Variants in INSL6 observed in about 807,000 individuals in gnomAD.
INSL6 encodes insulin-like peptide INSL6.
INSL6 carries 16 observed loss-of-function variants against 9.4 expected under a neutral mutation model. That is an observed-to-expected ratio of 1.70 (90% CI 1.15 to 2.59). The LOEUF (loss-of-function observed/expected upper bound fraction) is 2.59. Among genes scored for constraint, INSL6 ranks in the 30% most tolerant of loss-of-function variants. The pLI, the probability that INSL6 is intolerant of heterozygous loss-of-function variation, is 0.00. For synonymous variants in INSL6, 154 were observed against 96.9 expected (o/e 1.59, Z -3.46); for missense variants, 391 against 257.3 (o/e 1.52, Z -3.56).
the INSL6 span, chr9:5,078,339 G>A: frequency 4.3e-6 from 7 of 1,612,246 alleles, no homozygotes; most frequent in Admixed American, 1.0e-4. Flanking sequence ...GAATGTATGT[G>A]CCAAAAATAT....
chr9:5,143,151 C>CT (rs901843462), intron 2 of INSL6, among the ~76,000 whole-genome samples: 11 of 151,450 alleles, frequency 7.3e-5, no homozygotes, highest in African/African-American at 1.9e-4. Context: ...TTGAAGTTTT[C>CT]TTTTTTTTGT....
chr9:4,995,664 G>C, the INSL6 span, among the ~76,000 whole-genome samples: 1 of 152,082 alleles, frequency 6.6e-6, no homozygotes, highest in Non-Finnish European at 1.5e-5. Context: ...TTGTTTCCAA[G>C]TCCTGTATAA....
chr9:5,000,853 A>G, the INSL6 span, among the ~76,000 whole-genome samples: 1 of 152,214 alleles, frequency 6.6e-6, no homozygotes, highest in Non-Finnish European at 1.5e-5. Context: ...AGAACTTGAT[A>G]ACGTATTGGT....
chr9:5,170,545 G>T (rs1053307272), intron 1 of INSL6, among the ~76,000 whole-genome samples: 11 of 137,728 alleles, frequency 8.0e-5, no homozygotes, highest in African/African-American at 3.2e-4. Flanking sequence ...AACAATCAAT[G>T]AATCCAGGGG....
At chr9:5,090,830 G>C in the INSL6 span, 1 of 1,613,418 alleles carries the variant, frequency 6.2e-7, no homozygotes, top group South Asian at 1.1e-5. Flanking sequence ...GTTAAAATTG[G>C]AGATTTTGGG....
the INSL6 span, among the ~76,000 whole-genome samples, chr9:5,038,632 A>C: frequency 3.3e-5 from 5 of 150,606 alleles, no homozygotes; most frequent in Non-Finnish European, 7.4e-5. Flanking sequence ...GAATATTTGC[A>C]GAGTATACGC....
downstream of INSL6, among the ~76,000 whole-genome samples, chr9:5,120,092 G>A (rs1465466554): frequency 6.6e-6 from 1 of 152,224 alleles, no homozygotes; most frequent in African/African-American, 2.4e-5. Context: ...TGAAAAAAGT[G>A]CTGGCAGGTT....
chr9:5,039,515 T>G, the INSL6 span, among the ~76,000 whole-genome samples: 22 of 152,250 alleles, frequency 1.4e-4, no homozygotes, highest in East Asian at 4.2e-3. Context: ...TGGGAGGTTC[T>G]GGAACTAGTA....
the INSL6 span, among the ~76,000 whole-genome samples, chr9:5,095,994 A>C: frequency 6.6e-6 from 1 of 152,300 alleles, no homozygotes; most frequent in African/African-American, 2.4e-5. Context: ...TACCTCCATT[A>C]ACAGGATTTC....
the INSL6 span, among the ~76,000 whole-genome samples, chr9:5,086,274 C>T: frequency 6.6e-6 from 1 of 152,254 alleles, no homozygotes; most frequent in Non-Finnish European, 1.5e-5. Flanking sequence ...GGCCCGCGAT[C>T]CTCCTGCCAG....
the INSL6 span, among the ~76,000 whole-genome samples, chr9:5,033,969 C>A: frequency 6.6e-6 from 1 of 152,138 alleles, no homozygotes; most frequent in Non-Finnish European, 1.5e-5. Context: ...AGTCAAGACC[C>A]ATCAGTGTGC....
At chr9:5,090,186 G>T in the INSL6 span, among the ~76,000 whole-genome samples, 1 of 152,158 alleles carries the variant, frequency 6.6e-6, no homozygotes, top group African/African-American at 2.4e-5. Flanking sequence ...GAGAAAGGAA[G>T]TTTTCTCATC....
At chr9:5,128,822 A>G (rs1218260851) in intron 3 of INSL6, among the ~76,000 whole-genome samples, 1 of 152,062 alleles carries the variant, frequency 6.6e-6, no homozygotes, top group Non-Finnish European at 1.5e-5. Flanking sequence ...AGAAACAGGT[A>G]AGTAATTATT....
chr9:5,069,350 C>A, the INSL6 span: 2 of 552,810 alleles, frequency 3.6e-6, no homozygotes, highest in Non-Finnish European at 6.2e-6. Context: ...ATTGTACAAG[C>A]ATCATCAAAT....
exon 3 of INSL6, chr9:5,133,456 G>A (rs1307929643): frequency 6.6e-6 from 1 of 152,438 alleles, no homozygotes; most frequent in African/African-American, 2.4e-5. Context: ...AGCTCTGGCT[G>A]GCATCTAGTG....
At chr9:5,022,529 G>T in the INSL6 span, among the ~76,000 whole-genome samples, 1 of 152,162 alleles carries the variant, frequency 6.6e-6, no homozygotes, top group Non-Finnish European at 1.5e-5. Context: ...GCTAGATCCT[G>T]AGAGCAACAT....
the INSL6 span, chr9:5,111,765 G>A: frequency 4.7e-6 from 2 of 421,454 alleles, no homozygotes; most frequent in South Asian, 3.5e-5. Flanking sequence ...GTGAACGGTG[G>A]GCTTCCGGCT....
chr9:5,140,362 T>A (rs996828960), intron 2 of INSL6, among the ~76,000 whole-genome samples: 7 of 152,108 alleles, frequency 4.6e-5, no homozygotes, highest in African/African-American at 1.2e-4. Context: ...CTTATATTAG[T>A]CATCAGAGCT....
At chr9:5,031,844 G>A in the INSL6 span, among the ~76,000 whole-genome samples, 4 of 152,208 alleles carry the variant, frequency 2.6e-5, no homozygotes, top group Admixed American at 6.5e-5. Context: ...TGCAGAAGAC[G>A]GGTGATTTCT....
Sources: gnomAD v4.1 joint callset for allele counts (sites outside exome capture counted in the v4.1 genomes callset) on GRCh38, gnomAD v4.1.1 for gene constraint, MANE v1.5 for transcripts, NCBI Gene and HGNC (gene_info 2026-07-23, HGNC 2026-07-21) for gene names.